The following CDH12 variants were observed in gnomAD, a reference collection of about 807,000 sequenced individuals.
The protein encoded by CDH12 is cadherin 12, also known as cadherin-12.
CDH12 carries 41 observed loss-of-function variants against 74.1 expected under a neutral mutation model. That is an observed-to-expected ratio of 0.55 (90% confidence interval 0.43 to 0.72). CDH12 has a LOEUF of 0.72. CDH12 is among the 30% of genes least tolerant of loss of function. CDH12 has a pLI of 0.00. For missense variants in CDH12, 945 were observed against 977.2 expected, an observed-to-expected ratio of 0.97 and a Z score of 0.44; for synonymous variants, 399 against 355.0, an observed-to-expected ratio of 1.12 and a Z score of -1.39.
intron 4 of CDH12, among the ~76,000 whole-genome samples, chr5:22,191,824 A>G (rs1750324512): frequency 6.6e-6 from 1 of 152,032 alleles, no homozygotes; most frequent in South Asian, 2.1e-4. Context: ...TCGGCCTCCC[A>G]AAGTGCTGGG....
chr5:22,503,217 A>T (rs552352058), intron 2 of CDH12, among the ~76,000 whole-genome samples: 1 of 152,250 alleles, frequency 6.6e-6, no homozygotes, highest in African/African-American at 2.4e-5. Flanking sequence ...TTAAGTAAAC[A>T]TGAATATAAG....
chr5:22,760,916 CT>C (rs550615822), intron 1 of CDH12, among the ~76,000 whole-genome samples: 6 of 152,002 alleles, frequency 3.9e-5, no homozygotes, highest in Admixed American at 6.6e-5. Context: ...AAAAACCCCA[CT>C]TTTTTTATTG....
At chr5:22,746,366 G>T (rs1234982787) in intron 1 of CDH12, among the ~76,000 whole-genome samples, 1 of 152,142 alleles carries the variant, frequency 6.6e-6, no homozygotes, top group African/African-American at 2.4e-5. Context: ...TTCTACTAAT[G>T]AGTAGTGCCA....
chr5:22,351,130 C>T (rs1186155834), intron 3 of CDH12, among the ~76,000 whole-genome samples: 4 of 151,982 alleles, frequency 2.6e-5, no homozygotes, highest in Admixed American at 6.6e-5. Flanking sequence ...GCAGCAAAAC[C>T]GTGCATATTA....
At chr5:22,784,313 A>C (rs1747523206) in intron 1 of CDH12, among the ~76,000 whole-genome samples, 1 of 152,166 alleles carries the variant, frequency 6.6e-6, no homozygotes, top group South Asian at 2.1e-4. Flanking sequence ...AGTATTCTTG[A>C]TAGAGTAAAC....
intron 1 of CDH12, among the ~76,000 whole-genome samples, chr5:22,760,228 A>G (rs892312751): frequency 1.1e-4 from 16 of 152,246 alleles, no homozygotes; most frequent in Non-Finnish European, 2.2e-4. Flanking sequence ...CATTAGGTCT[A>G]TATAAAACTG....
chr5:22,425,077 TAGAGAGAGAG>T (rs56983010), intron 2 of CDH12, among the ~76,000 whole-genome samples: 1 of 101,724 alleles, frequency 9.8e-6, no homozygotes, highest in Non-Finnish European at 2.2e-5. Flanking sequence ...TATATATATA[TAGAGAGAGAG>T]AGAGAGAGAG....
chr5:22,365,141 G>A (rs1245128735), intron 3 of CDH12, among the ~76,000 whole-genome samples: 1 of 152,092 alleles, frequency 6.6e-6, no homozygotes, highest in Admixed American at 6.5e-5. Context: ...TTCTCTCTCT[G>A]CTAATAGACA....
At position 22,561,738 on chromosome 5, in the gene CDH12, A is replaced by T. The variant is rs536967573; in HGVS notation, c.-522-56374T>A. Among the ~76,000 whole-genome samples the T allele has an allele frequency of 2.0e-5, 3 of 152,258 alleles. No homozygotes were observed. The South Asian group carries it at 6.2e-4, about 32-fold the overall frequency. ...AGCTAAATAGAATCTGGAATGTAGG[A>T]TCTCTAAATTGCATAGAGAGTGCAA... On this transcript the variant is annotated intron_variant, in intron 1 of 14. Coordinates refer to ENST00000382254, the MANE Select transcript of CDH12 (RefSeq NM_004061.5).
At chr5:22,707,730 C>G (rs191061616) in intron 1 of CDH12, among the ~76,000 whole-genome samples, 7 of 152,208 alleles carry the variant, frequency 4.6e-5, no homozygotes, top group Non-Finnish European at 1.0e-4. Flanking sequence ...ATATACTCAT[C>G]CTTTCAAAAA....
At chr5:21,791,745 C>T (rs547554390) in intron 10 of CDH12, among the ~76,000 whole-genome samples, 21 of 151,526 alleles carry the variant, frequency 1.4e-4, no homozygotes, top group African/African-American at 2.9e-4. Flanking sequence ...ACCTAGTCTG[C>T]GCAGGCCATT....
intron 3 of CDH12, among the ~76,000 whole-genome samples, chr5:22,239,356 G>A (rs1752667558): frequency 6.6e-6 from 1 of 151,942 alleles, no homozygotes; most frequent in Non-Finnish European, 1.5e-5. Context: ...TGAGAGATAT[G>A]TATTGATAAG....
At chr5:22,169,340 G>A (rs993037319) in intron 4 of CDH12, among the ~76,000 whole-genome samples, 3 of 151,948 alleles carry the variant, frequency 2.0e-5, no homozygotes, top group Admixed American at 1.3e-4. Context: ...TGCTTACTGA[G>A]CCAAAGTTCT....
At chr5:22,108,553 T>G (rs746398738) in intron 4 of CDH12, among the ~76,000 whole-genome samples, 115 of 152,312 alleles carry the variant, frequency 7.6e-4, no homozygotes, top group Middle Eastern at 6.8e-3. Flanking sequence ...CCATAAGGAA[T>G]CAGAATTGTG....
rs895838839 is a variant in CDH12 at position 21,860,015 on chromosome 5, TA to T, written c.527-5226del. 1.0e-4 allele frequency among the ~76,000 whole-genome samples: 15 copies of T among 146,614 alleles called. No individual in the cohort carries two copies. In the East Asian group the frequency reaches 1.8e-3, roughly 18 times the overall value. On this transcript the variant is annotated intron_variant, in intron 6 of 14. Transcript: ENST00000382254. ...TGAAGGTTTGGGTCACTCCACCAGG[TA>T]AAAAAAAAACATGACCTGCTGAGGT...
chr5:22,353,654 T>TA (rs1205230208), intron 3 of CDH12, among the ~76,000 whole-genome samples: 12 of 152,208 alleles, frequency 7.9e-5, no homozygotes, highest in Admixed American at 2.0e-4. Context: ...CCTATTATAG[T>TA]AAAAAAATAC....
At chr5:22,663,880 T>G (rs931151503) in intron 1 of CDH12, among the ~76,000 whole-genome samples, 5 of 152,082 alleles carry the variant, frequency 3.3e-5, no homozygotes, top group Non-Finnish European at 5.9e-5. Context: ...TTTGGTCAAA[T>G]TTTGACTTTT....
At chr5:22,273,377 T>C (rs1736491646) in intron 3 of CDH12, among the ~76,000 whole-genome samples, 1 of 152,202 alleles carries the variant, frequency 6.6e-6, no homozygotes, top group Non-Finnish European at 1.5e-5. Context: ...AAACGTTCAA[T>C]TTGTAAATAA....
At chr5:22,157,911 T>C (rs1376412208) in intron 4 of CDH12, among the ~76,000 whole-genome samples, 1 of 152,082 alleles carries the variant, frequency 6.6e-6, no homozygotes, top group Non-Finnish European at 1.5e-5. Context: ...TATTCCAATA[T>C]GTTTTTTTTT....
Sources: allele counts gnomAD v4.1 joint callset (sites outside exome capture counted in the v4.1 genomes callset), GRCh38; gene constraint gnomAD v4.1.1; transcripts MANE v1.5; gene names NCBI Gene and HGNC (gene_info 2026-07-23, HGNC 2026-07-21).